The following PCLO variants were observed in gnomAD, a reference collection of about 807,000 sequenced individuals.
PCLO encodes the protein protein piccolo.
Under a neutral mutation model 427.5 loss-of-function variants are expected in PCLO, and 82 were observed. That is an observed-to-expected ratio of 0.19 (90% confidence interval 0.16 to 0.23). The LOEUF is 0.23. Among genes scored for constraint, PCLO ranks in the 10% least tolerant of loss-of-function variants. The probability of loss-of-function intolerance (pLI) is 1.00; values close to 1 mark genes in which losing one functional copy is unlikely to be tolerated. For missense variants in PCLO, 6,239 were observed against 6,115.9 expected (o/e 1.02, Z -0.67); for synonymous variants, 2,357 against 2,155.4 (o/e 1.09, Z -2.59).
chr7:82,889,346 C>T (rs1017470415), intron 9 of PCLO, among the ~76,000 whole-genome samples: 4 of 151,974 alleles, frequency 2.6e-5, no homozygotes, highest in African/African-American at 9.7e-5. Flanking sequence ...GCTTAGGAGA[C>T]AATTAAATTA....
intron 3 of PCLO, among the ~76,000 whole-genome samples, chr7:82,998,434 A>AACAACAACAACAACT (rs1787688546): frequency 7.5e-6 from 1 of 132,678 alleles, no homozygotes; most frequent in East Asian, 2.4e-4. Context: ...CAACAACAAC[A>AACAACAACAACAACT]ACTATTAATC....
At chr7:83,096,997 TTATATAA>T (rs1790588389) in intron 3 of PCLO, among the ~76,000 whole-genome samples, 1 of 28,366 alleles carries the variant, frequency 3.5e-5, no homozygotes, top group African/African-American at 1.6e-4. Context: ...ATAATATATA[TTATATAA>T]ATAATATATA....
intron 3 of PCLO, among the ~76,000 whole-genome samples, chr7:83,105,374 G>T (rs12707557): frequency 0.044 from 6,764 of 152,246 alleles, 180 homozygotes; most frequent in South Asian, 0.095. Flanking sequence ...TTTATGAAAA[G>T]ATTTGGGATC....
At chr7:83,072,049 T>G (rs551172920) in intron 3 of PCLO, among the ~76,000 whole-genome samples, 1 of 152,196 alleles carries the variant, frequency 6.6e-6, no homozygotes, top group South Asian at 2.1e-4. Flanking sequence ...ATATTTTGTT[T>G]GTTAAAATAA....
chr7:82,805,961 ACCCGCC>A, intron 20 of PCLO, 132 bp from the exon 21 acceptor site: 5 of 853,794 alleles, frequency 5.9e-6, no homozygotes, highest in Non-Finnish European at 7.2e-6. Flanking sequence ...ACATTTTTCA[ACCCGCC>A]TTTTCGTTTC....
intron 6 of PCLO, among the ~76,000 whole-genome samples, chr7:82,933,128 G>A (rs1030320197): frequency 2.0e-5 from 3 of 152,010 alleles, no homozygotes; most frequent in African/African-American, 7.2e-5. Context: ...AGAGCCAGCA[G>A]GACCCTCTCT....
chr7:83,021,578 C>T (rs1303197874), intron 3 of PCLO, among the ~76,000 whole-genome samples: 1 of 152,170 alleles, frequency 6.6e-6, no homozygotes, highest in East Asian at 1.9e-4. Flanking sequence ...TTGTCTCTCT[C>T]CTTCCCTCTT....
chr7:83,055,880 T>C (rs1055468439), intron 3 of PCLO, among the ~76,000 whole-genome samples: 3 of 152,148 alleles, frequency 2.0e-5, no homozygotes, highest in Non-Finnish European at 4.4e-5. Flanking sequence ...AGAAATCTAG[T>C]AACCAGAATG....
In PCLO at chr7:82,955,731, C is replaced by G. The variant is rs544116999; in HGVS notation, c.5222G>C (p.Ser1741Thr). Residue 1741 changes from serine to threonine, a missense_variant, in exon 5 of 25, where the codon AGT becomes ACT. By Grantham distance (58) the Ser-to-Thr change is moderately conservative (BLOSUM62 1). Transcript: ENST00000333891. Reference protein sequence around the residue: ...PTSVSSLDEDSDSSPSHKKGE... With the variant: ...PTSVSSLDEDTDSSPSHKKGE... Reference sequence around the variant, plus strand: ...TTTTTTGTGACTCGGGCTACTGTCACTGTCCTCATCAAGTGATGATACTGA... The same window carrying G: ...TTTTTTGTGACTCGGGCTACTGTCAGTGTCCTCATCAAGTGATGATACTGA... 2.4e-5 allele frequency: 38 copies of G among 1,613,960 alleles called. No individual in the cohort carries two copies. The highest frequency in any genetic ancestry group is 1.9e-4 in the South Asian group (17 of 91,078).
intron 3 of PCLO, among the ~76,000 whole-genome samples, chr7:83,095,518 A>G (rs371510496): frequency 7.9e-5 from 12 of 151,750 alleles, no homozygotes; most frequent in African/African-American, 2.9e-4. Context: ...GTAGGAGCTT[A>G]GATTATTAAT....
At chr7:83,050,438 T>C (rs1445136980) in intron 3 of PCLO, among the ~76,000 whole-genome samples, 1 of 151,870 alleles carries the variant, frequency 6.6e-6, no homozygotes, top group African/African-American at 2.4e-5. Context: ...CTACTTTTAT[T>C]CCTTGACATT....
rs564094584 is a variant in PCLO at position 82,852,652 on chromosome 7, T to C, written c.13655-5405A>G. 2.2e-4 allele frequency among the ~76,000 whole-genome samples: 34 copies of C among 152,220 alleles called. 1 individual carries two copies. Among genetic ancestry groups the C allele is most frequent in the South Asian group, 1.7e-3 (8 of 4,818 alleles). Reference sequence around the variant, plus strand: ...GTTTCCTTGCTCCTCAACTTGCAGATGGCCTATCATGCGACTTTATATTGT... The same window carrying C: ...GTTTCCTTGCTCCTCAACTTGCAGACGGCCTATCATGCGACTTTATATTGT... On this transcript the variant is annotated intron_variant, in intron 10 of 24. Coordinates refer to ENST00000333891, the MANE Select transcript of PCLO (RefSeq NM_033026.6).
chr7:83,072,417 C>G (rs1789842048), intron 3 of PCLO, among the ~76,000 whole-genome samples: 1 of 151,832 alleles, frequency 6.6e-6, no homozygotes, highest in African/African-American at 2.4e-5. Flanking sequence ...ATTTTTCTTC[C>G]TTTTGCATCT....
rs575818397 is a variant in PCLO, at chr7:82,784,162, T to C, written c.15007+17356A>G. ...TCCTTTTAAAACTTGAGCCAGACTG[T>C]TTCATTCCTCACCTCAAAACCCTCC... On this transcript the variant is annotated intron_variant, in intron 22 of 24. Transcript: ENST00000333891. Among the ~76,000 whole-genome samples the C allele has an allele frequency of 1.3e-4, 20 of 152,244 alleles. 1 individual carries two copies. Among genetic ancestry groups the C allele is most frequent in the African/African-American group, 4.8e-4 (20 of 41,556 alleles).
intron 19 of PCLO, among the ~76,000 whole-genome samples, chr7:82,823,642 G>T (rs1418851013): frequency 6.6e-6 from 1 of 152,052 alleles, no homozygotes; most frequent in African/African-American, 2.4e-5. Context: ...CCAATGTATG[G>T]CACTGTTATT....
intron 3 of PCLO, among the ~76,000 whole-genome samples, chr7:83,050,696 T>C (rs1031787621): frequency 6.6e-6 from 1 of 151,256 alleles, no homozygotes; most frequent in Non-Finnish European, 1.5e-5. Flanking sequence ...CTGAGGTCAG[T>C]TTGGGAACAG....
intron 3 of PCLO, among the ~76,000 whole-genome samples, chr7:83,133,163 T>A (rs1248152700): frequency 6.6e-6 from 1 of 152,022 alleles, no homozygotes; most frequent in East Asian, 1.9e-4. Flanking sequence ...TATGGTTTAT[T>A]TTTTAAAAAA....
intron 3 of PCLO, among the ~76,000 whole-genome samples, chr7:82,981,308 T>C (rs867725159): frequency 6.6e-6 from 1 of 150,556 alleles, no homozygotes; most frequent in African/African-American, 2.4e-5. Context: ...AGAGGTAGAA[T>C]TACCCAGAGA....
Position 82,816,845 on chromosome 7 carries a change from G to C in PCLO, c.14791+5650C>G, listed in dbSNP as rs142858254. Among the ~76,000 whole-genome samples, 46 of 152,206 alleles carry C rather than the reference G, an allele frequency of 3.0e-4. No homozygotes were observed. In the East Asian group the frequency reaches 8.7e-3, roughly 29 times the overall value. The stretch of plus-strand genomic sequence containing the variant: ...CAGATCCATGGCTACTACTGGAAAA[G>C]AACAGAAGTACCCATTGATGGTAGG... On this transcript the variant is annotated intron_variant, in intron 20 of 24. Coordinates refer to ENST00000333891, the MANE Select transcript of PCLO (RefSeq NM_033026.6).
Sources: allele counts gnomAD v4.1 joint callset (sites outside exome capture counted in the v4.1 genomes callset), GRCh38; gene constraint gnomAD v4.1.1; transcripts MANE v1.5; gene names NCBI Gene and HGNC (gene_info 2026-07-23, HGNC 2026-07-21).